The following PLXNA2 variants were observed in gnomAD, a reference collection of about 807,000 sequenced individuals.
The protein encoded by PLXNA2 is plexin A2.
A neutral mutation model predicts 193.5 loss-of-function variants in PLXNA2; 91 were observed. That is an observed-to-expected ratio of 0.47 (90% CI 0.40 to 0.56). The LOEUF is 0.56. Ranked by LOEUF, PLXNA2 falls within the 20% of genes least tolerant of loss-of-function variation. The pLI, the probability that PLXNA2 is intolerant of heterozygous loss-of-function variation, is 0.00. For synonymous variants in PLXNA2, 997 were observed against 1,027.3 expected (o/e 0.97, Z 0.56); for missense variants, 1,995 against 2,503.2 (o/e 0.80, Z 4.33).
intron 20 of PLXNA2, among the ~76,000 whole-genome samples, chr1:208,043,635 A>C (rs1664954720): frequency 6.6e-6 from 1 of 152,198 alleles, no homozygotes; most frequent in African/African-American, 2.4e-5. Context: ...AGGTCTGGTC[A>C]TGAGACGCTC....
chr1:208,127,548 A>G (rs72740721), intron 4 of PLXNA2, among the ~76,000 whole-genome samples: 325 of 152,356 alleles, frequency 2.1e-3, no homozygotes, highest in Non-Finnish European at 3.6e-3. Flanking sequence ...CAATTGGCTC[A>G]GAGGAGCTGC....
At position 208,168,723 on chromosome 1, in the gene PLXNA2, G is replaced by GTTTTTTTTTTTTTTTT. The variant is rs751893998; in HGVS notation, c.1372-26261_1372-26260insAAAAAAAAAAAAAAAA. Among the ~76,000 whole-genome samples, 397 of 102,188 alleles carry GTTTTTTTTTTTTTTTT rather than the reference G, an allele frequency of 3.9e-3. 79 individuals carry two copies. The highest frequency in any genetic ancestry group is 0.035 in the East Asian group (88 of 2,482). The allele number at this position is 102,188 out of a possible 152,430, so 67.0% of individuals were successfully genotyped here. ...CAAAAAGAAGACAAAGAGTATGCGG[G>GTTTTTTTTTTTTTTTT]GTTTTTTTTTTTTTTTTTTTTTTTT... On this transcript the variant is annotated intron_variant, in intron 3 of 31. Coordinates refer to ENST00000367033, the MANE Select transcript of PLXNA2 (RefSeq NM_025179.4).
At chr1:208,225,035 C>T (rs1415492203) in intron 1 of PLXNA2, among the ~76,000 whole-genome samples, 1 of 152,106 alleles carries the variant, frequency 6.6e-6, no homozygotes, top group Non-Finnish European at 1.5e-5. Context: ...GCAGCAGGGG[C>T]TGTGAGAGGG....
chr1:208,127,809 C>T (rs7551238), intron 4 of PLXNA2, among the ~76,000 whole-genome samples: 81,943 of 151,706 alleles, frequency 0.54, 22,437 homozygotes, highest in African/African-American at 0.57. Context: ...CTCAGTAAAA[C>T]GGGGTGAGAA....
At chr1:208,110,210 A>G (rs959136861) in intron 4 of PLXNA2, among the ~76,000 whole-genome samples, 1 of 152,210 alleles carries the variant, frequency 6.6e-6, no homozygotes, top group Non-Finnish European at 1.5e-5. Flanking sequence ...CCCTCCTGAC[A>G]TGCCTCTTAC....
rs911979281 is a variant in PLXNA2 at position 208,236,680 on chromosome 1, C to A, written c.-81+6963G>T. On this transcript the variant is annotated intron_variant, in intron 1 of 31. Transcript: ENST00000367033. This position sits in a 1 kb window ranked among gnomAD's most constrained non-coding sequence, Gnocchi z 4.4. Reference sequence around the variant, plus strand: ...GAGTTGTCTACCACTCTCAGAAGCACTGGGGTTACAGCTCCTCATCCAAAG... The same window carrying A: ...GAGTTGTCTACCACTCTCAGAAGCAATGGGGTTACAGCTCCTCATCCAAAG... Among the ~76,000 whole-genome samples, 4 of 152,226 alleles carry A rather than the reference C, an allele frequency of 2.6e-5. No homozygotes were observed. The highest frequency in any genetic ancestry group is 9.6e-5 in the African/African-American group (4 of 41,460).
chr1:208,155,530 G>A (rs1169354697), intron 3 of PLXNA2, among the ~76,000 whole-genome samples: 1 of 152,194 alleles, frequency 6.6e-6, no homozygotes, highest in Non-Finnish European at 1.5e-5. Flanking sequence ...TCCAGGGACT[G>A]GAGTCATTAA....
intron 3 of PLXNA2, among the ~76,000 whole-genome samples, chr1:208,148,310 C>CAGT (rs79198559): frequency 0.96 from 145,328 of 152,080 alleles, 69,779 homozygotes; most frequent in East Asian, 1. Flanking sequence ...TGTGGAAGAG[C>CAGT]AGAATTGGGA....
Position 208,244,319 on chromosome 1 carries a change from C to T in PLXNA2, c.-757G>A, listed in dbSNP as rs1371347446. On this transcript the variant is annotated 5_prime_UTR_variant, in exon 1 of 32. Coordinates refer to ENST00000367033, the MANE Select transcript of PLXNA2 (RefSeq NM_025179.4). ...GCTCCCGCGGTGGCGGCGGCGGCGG[C>T]GGCGGCGGCGGCGGCGGAGGAGCCC... is the stretch of plus-strand genomic sequence containing the variant. 1 of 202,854 alleles carries T rather than the reference C, an allele frequency of 4.9e-6. No individual in the cohort carries two copies. Among genetic ancestry groups the T allele is most frequent in the Non-Finnish European group, 9.6e-6 (1 of 103,880 alleles). 12.6% of individuals were successfully genotyped at this position (202,854 alleles called of 1,614,324 possible). A position where few individuals can be genotyped will look rare whatever the true frequency, so the allele number is the denominator to read the frequency against.
chr1:208,064,887 C>A (rs1043137620), intron 12 of PLXNA2, among the ~76,000 whole-genome samples: 6 of 152,128 alleles, frequency 3.9e-5, no homozygotes, highest in Admixed American at 3.3e-4. Context: ...ACCAGCCCCG[C>A]CCAACACACA....
At chr1:208,183,378 C>T (rs1362520098) in intron 3 of PLXNA2, among the ~76,000 whole-genome samples, 1 of 152,224 alleles carries the variant, frequency 6.6e-6, no homozygotes, top group Non-Finnish European at 1.5e-5. Flanking sequence ...TCTCCCTTAA[C>T]CTTCCTCAGC....
chr1:208,053,429 A>G (rs1665326413), intron 14 of PLXNA2, among the ~76,000 whole-genome samples: 1 of 152,194 alleles, frequency 6.6e-6, no homozygotes, highest in South Asian at 2.1e-4. Context: ...GCCCTGGGTA[A>G]GAGATGGAGT....
chr1:208,118,810 T>C (rs1181181218), intron 4 of PLXNA2, among the ~76,000 whole-genome samples: 2 of 152,066 alleles, frequency 1.3e-5, no homozygotes, highest in East Asian at 3.9e-4. Flanking sequence ...CACCAAGTTG[T>C]CTGAGTCTCT....
intron 17 of PLXNA2, among the ~76,000 whole-genome samples, chr1:208,048,848 G>A (rs1316560918): frequency 1.3e-5 from 2 of 152,160 alleles, no homozygotes; most frequent in African/African-American, 2.4e-5. Context: ...CTTGCTGACT[G>A]GGGAGGGAAT....
chr1:208,171,027 G>T (rs776368430), intron 3 of PLXNA2, among the ~76,000 whole-genome samples: 4 of 152,164 alleles, frequency 2.6e-5, no homozygotes, highest in African/African-American at 9.7e-5. Context: ...CTTCCTGGAG[G>T]GGGTATTATT....
At chr1:208,163,026 G>A (rs1315116220) in intron 3 of PLXNA2, among the ~76,000 whole-genome samples, 3 of 152,196 alleles carry the variant, frequency 2.0e-5, no homozygotes, top group Non-Finnish European at 4.4e-5. Context: ...AAAGGACAGG[G>A]CACTTCATCA....
At chr1:208,214,215 G>A (rs1261995913) in intron 2 of PLXNA2, among the ~76,000 whole-genome samples, 1 of 151,752 alleles carries the variant, frequency 6.6e-6, no homozygotes, top group Non-Finnish European at 1.5e-5. Context: ...CTTTACTACT[G>A]TGATTAATAT....
At chr1:208,098,702 T>C (rs1162815670) in intron 6 of PLXNA2, 144 bp downstream of exon 6, 4 of 888,320 alleles carry the variant, frequency 4.5e-6, no homozygotes, top group South Asian at 1.8e-5. Flanking sequence ...GGCATTGCCA[T>C]ACGTTTGCTA....
intron 4 of PLXNA2, among the ~76,000 whole-genome samples, chr1:208,119,921 G>C (rs1667752903): frequency 6.6e-6 from 1 of 152,178 alleles, no homozygotes; most frequent in Non-Finnish European, 1.5e-5. Context: ...GCCTTCTCCG[G>C]AACTTTCTAA....
Sources: allele counts gnomAD v4.1 joint callset (sites outside exome capture counted in the v4.1 genomes callset), GRCh38; gene constraint gnomAD v4.1.1; non-coding constraint Gnocchi (gnomAD v3.1); transcripts MANE v1.5; gene names NCBI Gene and HGNC (gene_info 2026-07-23, HGNC 2026-07-21).